The following EYS variants were observed in gnomAD, a reference collection of about 807,000 sequenced individuals.
EYS encodes the protein EGF-like photoreceptor maintenance factor.
In EYS, 250 loss-of-function variants were observed where a neutral mutation model predicts 282.1. The observed-to-expected ratio is 0.89, with a 90% CI of 0.80 to 0.98. The LOEUF (loss-of-function observed/expected upper bound fraction) is 0.98. EYS is among the 50% of genes least tolerant of loss of function. EYS has a pLI of 0.00. For missense variants in EYS, 4,016 were observed against 3,709.0 expected (o/e 1.08, Z -2.15); for synonymous variants, 1,355 against 1,282.9 (o/e 1.06, Z -1.20).
intron 2 of EYS, among the ~76,000 whole-genome samples, chr6:65,515,570 A>G (rs960801976): frequency 3.3e-5 from 5 of 152,112 alleles, no homozygotes; most frequent in African/African-American, 7.2e-5. Flanking sequence ...GACTGGATTA[A>G]GAAAATGTGA....
chr6:64,128,882 A>G lies in EYS; in HGVS notation c.6425-46880T>C, dbSNP rs938071700. The stretch of plus-strand genomic sequence containing the variant: ...ATGATTATACACTGTGATAAGTGCT[A>G]TAAAATCAATCTCAGGGCTAAGATC... On this transcript the variant is annotated intron_variant, in intron 31 of 42. Transcript: ENST00000503581. Among the ~76,000 whole-genome samples the G allele has an allele frequency of 7.9e-5, 12 of 152,346 alleles. No homozygotes were observed. The East Asian group carries it at 2.3e-3, about 29-fold the overall frequency.
intron 41 of EYS, among the ~76,000 whole-genome samples, chr6:63,755,828 C>G (rs956992270): frequency 2.6e-5 from 4 of 152,130 alleles, no homozygotes; most frequent in African/African-American, 4.8e-5. Context: ...GTTTGTAGTT[C>G]TCCTTGAAGA....
intron 31 of EYS, among the ~76,000 whole-genome samples, chr6:64,205,854 TATAG>T (rs1393487284): frequency 6.6e-6 from 1 of 150,918 alleles, no homozygotes; most frequent in African/African-American, 2.4e-5. Context: ...CATATATATA[TATAG>T]AGAGAGAGAG....
chr6:64,736,128 A>G (rs1427441423), intron 22 of EYS, among the ~76,000 whole-genome samples: 2 of 152,088 alleles, frequency 1.3e-5, no homozygotes, highest in Admixed American at 1.3e-4. Context: ...AAAAATTCAC[A>G]GTAAATTCAC....
At chr6:65,424,129 C>T (rs1463694578) in intron 5 of EYS, among the ~76,000 whole-genome samples, 1 of 151,966 alleles carries the variant, frequency 6.6e-6, no homozygotes, top group African/African-American at 2.4e-5. Context: ...CAGCCAAAGA[C>T]TGCCAACATT....
intron 26 of EYS, among the ~76,000 whole-genome samples, chr6:64,446,666 A>T (rs1775127395): frequency 6.6e-6 from 1 of 152,046 alleles, no homozygotes. Flanking sequence ...TAAATGTGAA[A>T]GTTGGAATAT....
chr6:65,539,008 TAGAG>T (rs996278086), intron 2 of EYS, among the ~76,000 whole-genome samples: 12 of 152,298 alleles, frequency 7.9e-5, no homozygotes, highest in Middle Eastern at 6.8e-3. Flanking sequence ...TAAAAAGAAA[TAGAG>T]AGCTTATTAG....
chr6:65,360,757 G>A (rs1582185720), intron 8 of EYS, among the ~76,000 whole-genome samples: 1 of 152,218 alleles, frequency 6.6e-6, no homozygotes. Flanking sequence ...TGAGCTCACA[G>A]TCTAATGTGT....
intron 31 of EYS, among the ~76,000 whole-genome samples, chr6:64,085,472 C>T (rs929201304): frequency 2.0e-5 from 3 of 152,030 alleles, no homozygotes; most frequent in Non-Finnish European, 4.4e-5. Flanking sequence ...TTGTCAGGTA[C>T]GGTGGGTGGA....
chr6:65,621,441 G>T (rs372954900), intron 2 of EYS, among the ~76,000 whole-genome samples: 1 of 150,604 alleles, frequency 6.6e-6, no homozygotes, highest in South Asian at 2.1e-4. Flanking sequence ...TTGAGCCTAT[G>T]TGTGTCTCTG....
intron 28 of EYS, among the ~76,000 whole-genome samples, chr6:64,414,468 CAAATG>C (rs1241248370): frequency 1.3e-5 from 2 of 151,906 alleles, no homozygotes; most frequent in Non-Finnish European, 2.9e-5. Context: ...TTATATCAGA[CAAATG>C]AAACAAAATA....
At chr6:65,049,188 T>C (rs571379878) in intron 13 of EYS, among the ~76,000 whole-genome samples, 84 of 151,968 alleles carry the variant, frequency 5.5e-4, no homozygotes, top group Non-Finnish European at 9.6e-4. Context: ...TGTTTAATTT[T>C]CCCCAGATTA....
At chr6:65,683,032 G>A (rs1370220842) in intron 1 of EYS, among the ~76,000 whole-genome samples, 1 of 151,776 alleles carries the variant, frequency 6.6e-6, no homozygotes, top group Non-Finnish European at 1.5e-5. Flanking sequence ...GGATCAAAGA[G>A]AGGCAATGCT....
At chr6:64,518,626 C>T (rs1301300535) in intron 26 of EYS, among the ~76,000 whole-genome samples, 1 of 151,524 alleles carries the variant, frequency 6.6e-6, no homozygotes, top group African/African-American at 2.4e-5. Flanking sequence ...GGTTTGGCTG[C>T]GTCCCCACCG....
chr6:65,382,213 G>GTT (rs67123749), intron 8 of EYS, among the ~76,000 whole-genome samples: 1,366 of 104,944 alleles, frequency 0.013, 21 homozygotes, highest in Middle Eastern at 0.024. Flanking sequence ...ATCCTTTGGT[G>GTT]TTTTTTTTTT....
At chr6:64,936,636 G>A (rs1768915220) in intron 15 of EYS, among the ~76,000 whole-genome samples, 1 of 151,162 alleles carries the variant, frequency 6.6e-6, no homozygotes, top group South Asian at 2.1e-4. Flanking sequence ...CACTAGCAAA[G>A]AACAATCTGA....
At chr6:64,780,318 A>G (rs1773819387) in intron 22 of EYS, among the ~76,000 whole-genome samples, 6 of 152,242 alleles carry the variant, frequency 3.9e-5, no homozygotes, top group Admixed American at 3.9e-4. Context: ...GGTTGAAGAA[A>G]AGAAAATGGT....
intron 14 of EYS, among the ~76,000 whole-genome samples, chr6:64,985,757 T>C (rs1166756641): frequency 6.6e-6 from 1 of 151,538 alleles, no homozygotes; most frequent in African/African-American, 2.4e-5. Flanking sequence ...TGTATTTTTG[T>C]TTGCTGAATC....
chr6:63,977,502 G>GA (rs1766895519), intron 35 of EYS, among the ~76,000 whole-genome samples: 1 of 151,976 alleles, frequency 6.6e-6, no homozygotes, highest in Admixed American at 6.6e-5. Context: ...CCCAATCCCA[G>GA]AAAGACATGT....
Sources: gnomAD v4.1 joint callset for allele counts (sites outside exome capture counted in the v4.1 genomes callset) on GRCh38, gnomAD v4.1.1 for gene constraint, MANE v1.5 for transcripts, NCBI Gene and HGNC (gene_info 2026-07-23, HGNC 2026-07-21) for gene names.